SZT2: variants seen among roughly 807,000 people sequenced by gnomAD.
The protein encoded by SZT2 is SZT2 subunit of KICSTOR complex, also known as KICSTOR complex protein SZT2.
A neutral mutation model predicts 404.2 loss-of-function variants in SZT2; 216 were observed. That is an observed-to-expected ratio of 0.53 (90% CI 0.48 to 0.60). SZT2 has a LOEUF of 0.60. SZT2 is among the 20% of genes least tolerant of loss of function. The pLI is 0.00. For missense variants in SZT2, 3,857 were observed against 4,459.2 expected (o/e 0.86, Z 3.85); for synonymous variants, 1,693 against 1,749.9 (o/e 0.97, Z 0.81).
At position 43,453,562 on chromosome 1, in the gene SZT2, C is replaced by A. The variant is rs1034392506; in HGVS notation, c.*3082C>A. 6.6e-7 allele frequency: 1 copy of A among 1,514,056 alleles called. No individual in the cohort carries two copies. Among genetic ancestry groups the A allele is most frequent in the Non-Finnish European group, 8.9e-7 (1 of 1,127,674 alleles). 93.8% of individuals were successfully genotyped at this position (1,514,056 alleles called of 1,614,324 possible). On this transcript the variant is annotated 3_prime_UTR_variant, in exon 72 of 72. Coordinates refer to ENST00000634258, the MANE Select transcript of SZT2 (RefSeq NM_001365999.1). ...CCCCTGCCCGCGCCCCGGCACCCCC[C>A]AGCCCTCCCAGCCCTCCCGGCCCGC...
Position 43,439,221 on chromosome 1 carries a change from C to T in SZT2, c.6792+128C>T, listed in dbSNP as rs865985692. 1.1e-5 allele frequency: 17 copies of T among 1,526,272 alleles called. No individual in the cohort carries two copies. The highest frequency in any genetic ancestry group is 1.7e-4 in the Middle Eastern group (1 of 5,732). 94.5% of individuals were successfully genotyped at this position (1,526,272 alleles called of 1,614,324 possible). A position where few individuals can be genotyped will look rare whatever the true frequency, so the allele number is the denominator to read the frequency against. ...GGACCTGGGTACACCCATGCCCCCC[C>T]GGGGACCATTATTACCCGCCTGTGT... On this transcript the variant is annotated intron_variant, in intron 48 of 71. Transcript: ENST00000634258. The surrounding 1 kb of genome is among the most constrained non-coding windows in gnomAD (Gnocchi z 4.2).
chr1:43,404,675 G>C (rs1015908246), intron 4 of SZT2, 125 bp downstream of exon 4: 1 of 962,758 alleles, frequency 1.0e-6, no homozygotes, highest in Non-Finnish European at 1.5e-6. Context: ...TCTTGAACCT[G>C]TTTTCTAGTC....
rs1653220161 is a variant in SZT2, at chr1:43,426,918, A to G, written c.3309+109A>G. 1.3e-5 allele frequency: 20 copies of G among 1,554,776 alleles called. No homozygotes were observed. Among genetic ancestry groups the G allele is most frequent in the African/African-American group, 2.7e-5 (2 of 73,654 alleles). On this transcript the variant is annotated intron_variant, in intron 23 of 71. Transcript: ENST00000634258. The surrounding 1 kb of genome is among the most constrained non-coding windows in gnomAD (Gnocchi z 4.9). ...CCTTGAGACTAAATGGCATCTGCCAATGACACAATGCCGTCATTTTCCATT... is the reference window on the plus strand; with the variant it reads ...CCTTGAGACTAAATGGCATCTGCCAGTGACACAATGCCGTCATTTTCCATT...
chr1:43,429,013 CTGAT>C, intron 28 of SZT2: 1 of 161,064 alleles, frequency 6.2e-6, no homozygotes, highest in Non-Finnish European at 1.4e-5. Flanking sequence ...GATGGATATG[CTGAT>C]GACTCCTAGA....
In SZT2 at chr1:43,422,495, C is replaced by T; in HGVS notation, c.1785C>T (p.His595=). 1 of 1,591,318 alleles carries T rather than the reference C, an allele frequency of 6.3e-7. No homozygotes were observed. ...ILEHDTPIPK[H]LHTPGSNGRY... ...CTCTTCCTAGACCAATCCCCAAGCA[C>T]TTGCACACCCCGGGCAGCAATGGGC... Residue 595 remains histidine (H), a synonymous_variant, in exon 13 of 72, where the codon CAC becomes CAT. Transcript: ENST00000634258.
At position 43,448,362 on chromosome 1, in the gene SZT2, T is replaced by G. The variant is rs1387972180; in HGVS notation, c.9847T>G (p.Phe3283Val). 1 of 1,555,810 alleles carries G rather than the reference T, an allele frequency of 6.4e-7. No homozygotes were observed. The highest frequency in any genetic ancestry group is 1.9e-5 in the Admixed American group (1 of 51,332). Reference protein sequence around the residue: ...CRRDTLWKRLFLLEPPGPDRL... With the variant: ...CRRDTLWKRLVLLEPPGPDRL... ...TCGGGACACCCTTTGGAAGCGCCTC[T>G]TCTTGCTGGAGCCACCGGGGCCTGA... is the stretch of plus-strand genomic sequence containing the variant. The change falls in exon 69 of 72, where the codon TTC (phenylalanine) becomes GTC (valine). Residue 3283 changes from phenylalanine to valine, a missense_variant. Phe to Val is a conservative substitution (Grantham distance 50). This residue lies in a region of SZT2 where 717 missense variants were observed against 868.2 expected (regional missense o/e 0.83). Transcript: ENST00000634258. This position sits in a 1 kb window ranked among gnomAD's most constrained non-coding sequence, Gnocchi z 4.2.
rs1656292497 is a variant in SZT2 at position 43,450,724 on chromosome 1, G to A, written c.*244G>A. The A allele has an allele frequency of 2.9e-6, 2 of 698,898 alleles. No homozygotes were observed. The highest frequency in any genetic ancestry group is 4.1e-5 in the Admixed American group (2 of 48,584). 43.3% of individuals were successfully genotyped at this position (698,898 alleles called of 1,614,324 possible). On this transcript the variant is annotated 3_prime_UTR_variant, in exon 72 of 72. Coordinates refer to ENST00000634258, the MANE Select transcript of SZT2 (RefSeq NM_001365999.1). This position sits in a 1 kb window ranked among gnomAD's most constrained non-coding sequence, Gnocchi z 4.3. ...CTCCAGAGAGTCAGGTCAACCCCGA[G>A]GACCCCTTGGGCCCTTCTGGGGTAC...
intron 65 of SZT2, 77 bp downstream of exon 65, chr1:43,446,493 G>A: frequency 1.3e-6 from 2 of 1,567,010 alleles, no homozygotes; most frequent in Non-Finnish European, 1.8e-6. Context: ...CCCATTTGCT[G>A]GGCAGTAGAG....
At position 43,425,902 on chromosome 1, in the gene SZT2, A is replaced by G. The variant is rs752787344; in HGVS notation, c.2882A>G (p.Gln961Arg). The change falls in exon 20 of 72, where the codon CAG becomes CGG. Residue 961 changes from glutamine to arginine, a missense_variant. Gln to Arg is a conservative substitution (Grantham distance 43). Around this residue, in one of 7 missense-constraint regions of SZT2, gnomAD observed 1,725 missense variants for 1,881.0 expected, o/e 0.92. Transcript: ENST00000634258. The surrounding 1 kb of genome is among the most constrained non-coding windows in gnomAD (Gnocchi z 4.3). Reference protein sequence around the residue: ...LSFEYLIQLCQSKEWGPLPPE... With the variant: ...LSFEYLIQLCRSKEWGPLPPE... ...TTTGAATACCTGATACAGCTGTGTC[A>G]GAGCAAGGAATGGGGTCCTCTGCCC... 6.2e-7 allele frequency: 1 copy of G among 1,614,134 alleles called. No homozygotes were observed. The highest frequency in any genetic ancestry group is 1.1e-5 in the South Asian group (1 of 91,086).
chr1:43,450,131 G>C lies in SZT2; in HGVS notation c.10115G>C (p.Cys3372Ser), dbSNP rs569005568. The C allele has an allele frequency of 4.3e-6, 7 of 1,613,974 alleles. No individual in the cohort carries two copies. Among genetic ancestry groups the C allele is most frequent in the Non-Finnish European group, 5.9e-6 (7 of 1,180,004 alleles). The change falls in exon 71 of 72, where the codon TGC becomes TCC. Residue 3372 changes from cysteine (C) to serine (S), a missense_variant. Around this residue, in one of 7 missense-constraint regions of SZT2, gnomAD observed 717 missense variants for 868.2 expected, o/e 0.83. Coordinates refer to ENST00000634258, the MANE Select transcript of SZT2 (RefSeq NM_001365999.1). This position sits in a 1 kb window ranked among gnomAD's most constrained non-coding sequence, Gnocchi z 4.3. ...LVVLNQKFTD[C>S]FVLVFLDSHL... is the part of the protein sequence containing the mutation. ...GTGCTGAATCAGAAGTTCACTGACT[G>C]CTTTGTGCTAGTGTTTCTGGACTCC...
In SZT2 at chr1:43,437,309, TG is replaced by T; in HGVS notation, c.6178del (p.Val2060SerfsTer18). 9 of 1,613,968 alleles carry T rather than the reference TG, an allele frequency of 5.6e-6. No individual in the cohort carries two copies. The highest frequency in any genetic ancestry group is 7.6e-6 in the Non-Finnish European group (9 of 1,179,966). On this transcript the variant is annotated frameshift_variant, in exon 43 of 72. Transcript: ENST00000634258. LOFTEE classifies it high-confidence loss of function. This position sits in a 1 kb window ranked among gnomAD's most constrained non-coding sequence, Gnocchi z 5.3. ...VHSRLKMGPSMGVSRAIQALR... is the reference protein window; with the variant it reads ...VHSRLKMGPSXGVSRAIQALR... ...TCACGCCTCAAAATGGGGCCCAGCA[TG>T]GGGGTCTCTCGGGGTATGTGATTGG...
rs1656685058 is a variant in SZT2 at position 43,453,536 on chromosome 1, TC to T, written c.*3060del. ...GGGCCTCAGCCCCCGGCTCGGACAC[TC>T]CCCTGCCCGCGCCCCGGCACCCCCC... On this transcript the variant is annotated 3_prime_UTR_variant, in exon 72 of 72. Transcript: ENST00000634258. The T allele has an allele frequency of 1.3e-6, 2 of 1,521,836 alleles. No individual in the cohort carries two copies. Among genetic ancestry groups the T allele is most frequent in the Admixed American group, 4.1e-5 (2 of 48,662 alleles). 94.3% of individuals were successfully genotyped at this position (1,521,836 alleles called of 1,614,324 possible). A position where few individuals can be genotyped will look rare whatever the true frequency, so the allele number is the denominator to read the frequency against.
intron 42 of SZT2, 113 bp downstream of exon 42, chr1:43,435,442 A>G (rs1654363767): frequency 3.2e-6 from 4 of 1,248,544 alleles, no homozygotes; most frequent in Non-Finnish European, 4.4e-6. Context: ...CATCAGTGCC[A>G]AGTACTAGAG....
At position 43,416,096 on chromosome 1, in the gene SZT2, G is replaced by A. The variant is rs1000212315; in HGVS notation, c.767G>A (p.Ser256Asn). Residue 256 changes from serine to asparagine, a missense_variant, in exon 6 of 72, where the codon AGT (serine) becomes AAT (asparagine). This residue lies in a region of SZT2 where 536 missense variants were observed against 637.4 expected (regional missense o/e 0.84). Transcript: ENST00000634258. ...CTGCAGTTACTACCCTCGAACTCTAGTGCAGGTCAGTAGAAGGAATATTGG... is the reference window on the plus strand; with the variant it reads ...CTGCAGTTACTACCCTCGAACTCTAATGCAGGTCAGTAGAAGGAATATTGG... ...LALQLLPSNS[S>N]AGIIVITDGV... is the part of the protein sequence containing the mutation. 2 of 1,598,326 alleles carry A rather than the reference G, an allele frequency of 1.3e-6. No homozygotes were observed. The highest frequency in any genetic ancestry group is 2.2e-5 in the East Asian group (1 of 44,866).
In SZT2 at chr1:43,430,058, C is replaced by T. The variant is rs200813502; in HGVS notation, c.4356C>T (p.Ser1452=). 4.0e-5 allele frequency: 65 copies of T among 1,614,178 alleles called. No homozygotes were observed. Among genetic ancestry groups the T allele is most frequent in the Middle Eastern group, 3.3e-4 (2 of 6,062 alleles). Residue 1452 remains serine (S), a synonymous_variant, in exon 30 of 72, where the codon TCC becomes TCT. Transcript: ENST00000634258. ...ISRLHFRTVP[S]NPHYFFYCPP... Reference sequence around the variant, plus strand: ...GTCTCCACTTCCGCACAGTGCCTTCCAATCCCCACTACTTCTTCTATTGCC... The same window carrying T: ...GTCTCCACTTCCGCACAGTGCCTTCTAATCCCCACTACTTCTTCTATTGCC...
At position 43,439,852 on chromosome 1, in the gene SZT2, A is replaced by G; in HGVS notation, c.7043-29A>G. 3 of 1,570,710 alleles carry G rather than the reference A, an allele frequency of 1.9e-6. No individual in the cohort carries two copies. The highest frequency in any genetic ancestry group is 1.7e-6 in the Non-Finnish European group (2 of 1,157,834). On this transcript the variant is annotated intron_variant, in intron 50 of 71. Transcript: ENST00000634258. This position sits in a 1 kb window ranked among gnomAD's most constrained non-coding sequence, Gnocchi z 4.2. ...GGTGAGTAGAGTGGGATCTAGGGACACCCTCAAGTGTCCCTGTTCTCCTTC... is the reference window on the plus strand; with the variant it reads ...GGTGAGTAGAGTGGGATCTAGGGACGCCCTCAAGTGTCCCTGTTCTCCTTC...
At position 43,432,407 on chromosome 1, in the gene SZT2, C is replaced by CATGAGG; in HGVS notation, c.5412_5417dup (p.Glu1805_Asp1806dup). The CATGAGG allele has an allele frequency of 6.3e-7, 1 of 1,587,286 alleles. No individual in the cohort carries two copies. Among genetic ancestry groups the CATGAGG allele is most frequent in the Non-Finnish European group, 8.6e-7 (1 of 1,168,490 alleles). ...TTCAGCGGCCTGGGCTTGGCACAGT[C>CATGAGG]ATGAGGACAGGGCTGAAGGCATCGA... On this transcript the variant is annotated inframe_insertion, in exon 37 of 72. Coordinates refer to ENST00000634258, the MANE Select transcript of SZT2 (RefSeq NM_001365999.1).
At chr1:43,416,513 G>T in intron 6 of SZT2, 22 bp from the exon 7 acceptor site, 2 of 1,592,250 alleles carry the variant, frequency 1.3e-6, no homozygotes, top group Non-Finnish European at 1.7e-6. Context: ...CTCCAGGTCT[G>T]ATCTGGTGTT....
chr1:43,430,618 G>C lies in SZT2; in HGVS notation c.4603G>C (p.Asp1535His). ...AGACTCTGCCTCGCTGTCAGACGTA[G>C]ACACTGTGAATCCTGATGAAGACTC... ...GLDSASLSDVDTVNPDEDSFS... is the reference protein window; with the variant it reads ...GLDSASLSDVHTVNPDEDSFS... The change falls in exon 32 of 72, where the codon GAC (aspartate) becomes CAC (histidine). Residue 1535 changes from aspartate (D) to histidine (H), a missense_variant. Physicochemically the swap from Asp to His is moderately conservative, Grantham distance 81. This residue lies in a region of SZT2 where 1,725 missense variants were observed against 1,881.0 expected (regional missense o/e 0.92). Transcript: ENST00000634258. 3.1e-6 allele frequency: 5 copies of C among 1,614,226 alleles called. No homozygotes were observed. The highest frequency in any genetic ancestry group is 4.2e-6 in the Non-Finnish European group (5 of 1,180,044).
Sources: allele counts gnomAD v4.1 joint callset, GRCh38; gene constraint gnomAD v4.1.1; regional missense constraint gnomAD v4.1.1; non-coding constraint Gnocchi (gnomAD v3.1); transcripts MANE v1.5; gene names NCBI Gene and HGNC (gene_info 2026-07-23, HGNC 2026-07-21).